Variants in TRMT9B observed in about 807,000 individuals in gnomAD.
TRMT9B encodes probable tRNA methyltransferase 9B.
A neutral mutation model predicts 11.5 loss-of-function variants in TRMT9B; 16 were observed. That is an observed-to-expected ratio of 1.39 (90% confidence interval 0.94 to 2.11). The LOEUF (loss-of-function observed/expected upper bound fraction) is 2.11. Ranked by LOEUF, TRMT9B falls within the 30% of genes most tolerant of loss-of-function variation. TRMT9B has a pLI of 0.00. For synonymous variants in TRMT9B, 274 were observed against 192.4 expected, an observed-to-expected ratio of 1.42 and a Z score of -3.51; for missense variants, 941 against 553.8, an observed-to-expected ratio of 1.70 and a Z score of -7.02.
intron 1 of TRMT9B, among the ~76,000 whole-genome samples, chr8:12,984,083 C>CT (rs1240950308): frequency 6.6e-6 from 1 of 152,114 alleles, no homozygotes; most frequent in Non-Finnish European, 1.5e-5. Context: ...ATAGTGACGC[C>CT]TTTTCTTTCT....
At position 13,028,766 on chromosome 8, in the gene TRMT9B, A is replaced by C. The variant is rs1173888784; in HGVS notation, c.*6722A>C. On this transcript the variant is annotated 3_prime_UTR_variant, in exon 5 of 5. Coordinates refer to ENST00000524591, the MANE Select transcript of TRMT9B (RefSeq NM_020844.3). ...AATTTTTGTATTTTTTTTTAAGTAA[A>C]GACAAACTTTCACCATGTTGGCCAG... 1 of 163,292 alleles carries C rather than the reference A, an allele frequency of 6.1e-6. No homozygotes were observed. The highest frequency in any genetic ancestry group is 2.1e-4 in the South Asian group (1 of 4,790). The allele number at this position is 163,292 out of a possible 1,614,324, so 10.1% of individuals were successfully genotyped here.
intron 3 of TRMT9B, chr8:13,010,639 C>T (rs1437148242): frequency 3.0e-6 from 3 of 984,764 alleles, no homozygotes; most frequent in Non-Finnish European, 2.4e-6. Flanking sequence ...TTACAAAATG[C>T]TCTCTGAACA....
intron 2 of TRMT9B, among the ~76,000 whole-genome samples, chr8:12,997,384 C>T (rs1808556528): frequency 6.6e-6 from 1 of 152,130 alleles, no homozygotes; most frequent in Non-Finnish European, 1.5e-5. Context: ...CACCTTCCAC[C>T]ATGAGTAACA....
chr8:13,019,599 G>C (rs976337651), intron 4 of TRMT9B, among the ~76,000 whole-genome samples: 10 of 152,198 alleles, frequency 6.6e-5, no homozygotes, highest in African/African-American at 2.4e-4. Flanking sequence ...CAGCACGGGA[G>C]ATATTAATGG....
At chr8:13,017,996 T>G (rs565288982) in intron 4 of TRMT9B, among the ~76,000 whole-genome samples, 1 of 149,426 alleles carries the variant, frequency 6.7e-6, no homozygotes, top group South Asian at 2.1e-4. Flanking sequence ...ATATAAAACA[T>G]AATATGAACG....
rs374646115 is a variant in TRMT9B, at chr8:12,962,475, AT to A, written c.-200+16519del. ...CTTAAGATGATGTGTTCTGGCTTAAATTTTTTTTTTCGTTTGTTTTTTGTTT... is the reference window on the plus strand; with the variant it reads ...CTTAAGATGATGTGTTCTGGCTTAAATTTTTTTTTCGTTTGTTTTTTGTTT... On this transcript the variant is annotated intron_variant, in intron 1 of 4. Coordinates refer to ENST00000524591, the MANE Select transcript of TRMT9B (RefSeq NM_020844.3). Among the ~76,000 whole-genome samples, 1,041 of 149,802 alleles carry A rather than the reference AT, an allele frequency of 6.9e-3. 9 individuals are homozygous for A. Among genetic ancestry groups the A allele is most frequent in the African/African-American group, 0.022 (915 of 40,840 alleles).
intron 1 of TRMT9B, among the ~76,000 whole-genome samples, chr8:12,987,761 A>G (rs1396912761): frequency 6.6e-6 from 1 of 152,086 alleles, no homozygotes; most frequent in African/African-American, 2.4e-5. Context: ...GCCTACCTTA[A>G]ACGTGCTCAG....
At chr8:13,010,743 A>G (rs760844932) in intron 3 of TRMT9B, 1 of 984,608 alleles carries the variant, frequency 1.0e-6, no homozygotes, top group Non-Finnish European at 1.2e-6. Context: ...CCCTCGAGCC[A>G]ATGAAAAAGC....
At chr8:12,980,735 A>C (rs928088808) in intron 1 of TRMT9B, among the ~76,000 whole-genome samples, 1 of 152,192 alleles carries the variant, frequency 6.6e-6, no homozygotes, top group South Asian at 2.1e-4. Context: ...TGAACCTTCG[A>C]AGATACTTGG....
At chr8:13,008,793 A>G (rs948191674) in intron 3 of TRMT9B, among the ~76,000 whole-genome samples, 2 of 152,140 alleles carry the variant, frequency 1.3e-5, no homozygotes, top group African/African-American at 4.8e-5. Flanking sequence ...CAGGGGCGCC[A>G]TCTCGGCTCA....
chr8:13,021,868 G>T lies in TRMT9B; in HGVS notation c.1189G>T (p.Asp397Tyr), dbSNP rs763195010. ...CCCAGATGATACAATGTCTGTCGAAGATCCACAGACTGATGTTTTGGACTC... is the reference window on the plus strand; with the variant it reads ...CCCAGATGATACAATGTCTGTCGAATATCCACAGACTGATGTTTTGGACTC... ...FNPDDTMSVE[D>Y]PQTDVLDSTA... Residue 397 changes from aspartate to tyrosine, a missense_variant, in exon 5 of 5, where the codon GAT (aspartate) becomes TAT (tyrosine). Asp to Tyr is a radical substitution (Grantham distance 160, BLOSUM62 -3). Coordinates refer to ENST00000524591, the MANE Select transcript of TRMT9B (RefSeq NM_020844.3). 1 of 1,613,788 alleles carries T rather than the reference G, an allele frequency of 6.2e-7. No individual in the cohort carries two copies. The highest frequency in any genetic ancestry group is 1.3e-5 in the African/African-American group (1 of 74,934).
chr8:13,019,509 G>A (rs1037130270), intron 4 of TRMT9B, among the ~76,000 whole-genome samples: 3 of 152,120 alleles, frequency 2.0e-5, no homozygotes, highest in Admixed American at 1.3e-4. Flanking sequence ...GCCCAGGCTG[G>A]TCTCAAACTC....
intron 1 of TRMT9B, among the ~76,000 whole-genome samples, chr8:12,977,680 A>G (rs1191773043): frequency 6.6e-6 from 1 of 151,908 alleles, no homozygotes; most frequent in African/African-American, 2.4e-5. Flanking sequence ...CAGCCTTGTG[A>G]CAGAGCAAGA....
At chr8:13,016,902 G>A (rs374170250) in intron 4 of TRMT9B, among the ~76,000 whole-genome samples, 3 of 150,268 alleles carry the variant, frequency 2.0e-5, no homozygotes, top group South Asian at 2.1e-4. Flanking sequence ...TGAGGCAGGC[G>A]GATCACAAGG....
rs566901745 is a variant in TRMT9B at position 12,990,836 on chromosome 8, C to A, written c.-197C>A. 215 of 1,288,660 alleles carry A rather than the reference C, an allele frequency of 1.7e-4. 5 individuals are homozygous for A. In the South Asian group the frequency reaches 2.2e-3, roughly 13 times the overall value. 79.8% of individuals were successfully genotyped at this position (1,288,660 alleles called of 1,614,324 possible). On this transcript the variant is annotated splice_region_variant and 5_prime_UTR_variant, in exon 2 of 5. Coordinates refer to ENST00000524591, the MANE Select transcript of TRMT9B (RefSeq NM_020844.3). ...AGTATTTGTTTTCTTCCTGATAGGG[C>A]CTGTGCTTCCTTCAGAGACTCACAC...
In TRMT9B at chr8:13,025,273, C is replaced by G. The variant is rs1213052411; in HGVS notation, c.*3229C>G. 6.0e-6 allele frequency: 1 copy of G among 166,892 alleles called. No homozygotes were observed. Among genetic ancestry groups the G allele is most frequent in the African/African-American group, 2.4e-5 (1 of 41,446 alleles). The allele number at this position is 166,892 out of a possible 1,614,324, so 10.3% of individuals were successfully genotyped here. ...ATGACTCACACCTGTACTCCCAGCA[C>G]TTCAGGAAGCTGAGGTGGGTGGATC... On this transcript the variant is annotated 3_prime_UTR_variant, in exon 5 of 5. Transcript: ENST00000524591.
chr8:12,960,890 C>T (rs10089097), intron 1 of TRMT9B, among the ~76,000 whole-genome samples: 62,554 of 151,968 alleles, frequency 0.41, 13,679 homozygotes, highest in Middle Eastern at 0.58. Flanking sequence ...CACCTGTAAT[C>T]CCAGCACTTT....
intron 1 of TRMT9B, among the ~76,000 whole-genome samples, chr8:12,966,225 CA>C (rs1357972681): frequency 2.0e-5 from 3 of 152,038 alleles, no homozygotes; most frequent in African/African-American, 7.2e-5. Flanking sequence ...CCCAGCTACT[CA>C]GTAGCTACTG....
chr8:13,021,851 A>G lies in TRMT9B; in HGVS notation c.1172A>G (p.Asp391Gly), dbSNP rs1168398952. 6.2e-7 allele frequency: 1 copy of G among 1,613,904 alleles called. No individual in the cohort carries two copies. The highest frequency in any genetic ancestry group is 1.7e-5 in the Admixed American group (1 of 60,012). Residue 391 changes from aspartate (D) to glycine (G), a missense_variant, in exon 5 of 5, where the codon GAT becomes GGT. By Grantham distance (94) the Asp-to-Gly change is moderately conservative. Transcript: ENST00000524591. ...AVDSTDFNPD[D>G]TMSVEDPQTD... Reference sequence around the variant, plus strand: ...GATTCCACAGATTTCAACCCAGATGATACAATGTCTGTCGAAGATCCACAG... The same window carrying G: ...GATTCCACAGATTTCAACCCAGATGGTACAATGTCTGTCGAAGATCCACAG...
Sources: allele counts gnomAD v4.1 joint callset (sites outside exome capture counted in the v4.1 genomes callset), GRCh38; gene constraint gnomAD v4.1.1; transcripts MANE v1.5; gene names NCBI Gene and HGNC (gene_info 2026-07-23, HGNC 2026-07-21).